DLGAP2: variants seen among roughly 807,000 people sequenced by gnomAD.
DLGAP2 encodes the protein disks large-associated protein 2.
Under a neutral mutation model 100.3 loss-of-function variants are expected in DLGAP2, and 26 were observed. The ratio of observed to expected loss-of-function variants is 0.26; its 90% confidence interval spans 0.19 to 0.36. The LOEUF (loss-of-function observed/expected upper bound fraction) is 0.36. DLGAP2 is among the 10% of genes least tolerant of loss of function. DLGAP2 has a pLI of 1.00. For missense variants in DLGAP2, 1,858 were observed against 1,453.2 expected (o/e 1.28, Z -4.53); for synonymous variants, 886 against 630.1 (o/e 1.41, Z -6.08).
intron 3 of DLGAP2, among the ~76,000 whole-genome samples, chr8:1,285,934 G>A (rs1454798851): frequency 6.6e-6 from 1 of 152,146 alleles, no homozygotes; most frequent in Admixed American, 6.5e-5. Context: ...GTCTAGTCTG[G>A]GCAACAGAGA....
At chr8:847,876 C>A (rs1199901615) in intron 1 of DLGAP2, among the ~76,000 whole-genome samples, 5 of 152,026 alleles carry the variant, frequency 3.3e-5, no homozygotes, top group Non-Finnish European at 5.9e-5. Context: ...ATTTTTTTCC[C>A]CTTTACTTTC....
intron 3 of DLGAP2, among the ~76,000 whole-genome samples, chr8:1,489,825 C>T (rs899659408): frequency 1.3e-5 from 2 of 152,190 alleles, no homozygotes; most frequent in African/African-American, 2.4e-5. Flanking sequence ...TTCTAACATT[C>T]TACATGATAA....
At chr8:1,440,958 G>T (rs928392807) in intron 3 of DLGAP2, among the ~76,000 whole-genome samples, 1 of 152,174 alleles carries the variant, frequency 6.6e-6, no homozygotes, top group African/African-American at 2.4e-5. Flanking sequence ...GCAAAAGCAC[G>T]TAAGTCTACA....
chr8:1,588,329 G>A (rs1457360726), intron 6 of DLGAP2, among the ~76,000 whole-genome samples: 1 of 152,118 alleles, frequency 6.6e-6, no homozygotes, highest in African/African-American at 2.4e-5. Context: ...AGTCCAATCT[G>A]TAAGATCTGA....
At chr8:1,597,162 A>G (rs908285520) in intron 6 of DLGAP2, among the ~76,000 whole-genome samples, 2 of 152,166 alleles carry the variant, frequency 1.3e-5, no homozygotes, top group Non-Finnish European at 1.5e-5. Context: ...TTTGTCAAAG[A>G]TCAGATGGTC....
At chr8:1,678,031 T>G (rs565217495) in intron 11 of DLGAP2, among the ~76,000 whole-genome samples, 183 bp from the exon 12 acceptor site, 24 of 152,366 alleles carry the variant, frequency 1.6e-4, no homozygotes, top group African/African-American at 5.8e-4. Context: ...GTATAATGAT[T>G]TGCAAAACCA....
At chr8:1,160,300 G>T (rs1796865416) in intron 2 of DLGAP2, among the ~76,000 whole-genome samples, 1 of 152,188 alleles carries the variant, frequency 6.6e-6, no homozygotes, top group African/African-American at 2.4e-5. Flanking sequence ...TGATTGACAG[G>T]TCCCGTGCCT....
intron 12 of DLGAP2, among the ~76,000 whole-genome samples, chr8:1,690,959 G>A (rs948374254): frequency 4.6e-5 from 7 of 151,998 alleles, no homozygotes; most frequent in South Asian, 2.1e-4. Context: ...TACGTGCTAC[G>A]ACCTTCCTGT....
In DLGAP2 at chr8:1,005,832, A is replaced by G. The variant is rs543951992; in HGVS notation, c.73+97866A>G. On this transcript the variant is annotated intron_variant, in intron 2 of 14. Transcript: ENST00000637795. ...TCCCTGTTGAAATTCAATGACCCAA[A>G]TAATACCTTCAGGGAATGTGCTCCA... 2.6e-5 allele frequency among the ~76,000 whole-genome samples: 4 copies of G among 152,244 alleles called. No homozygotes were observed. The South Asian group carries it at 8.3e-4, about 32-fold the overall frequency.
intron 13 of DLGAP2, 144 bp from the exon 14 acceptor site, chr8:1,697,003 T>C: frequency 4.6e-6 from 4 of 864,872 alleles, no homozygotes; most frequent in Non-Finnish European, 6.5e-6. Flanking sequence ...AGCATGGCCT[T>C]CCCAAGTATC....
At chr8:1,307,735 A>C (rs957894094) in intron 3 of DLGAP2, among the ~76,000 whole-genome samples, 1 of 152,236 alleles carries the variant, frequency 6.6e-6, no homozygotes, top group African/African-American at 2.4e-5. Flanking sequence ...ATGAACCCTG[A>C]AGACATTCCA....
At chr8:1,336,537 G>T (rs563756253) in intron 3 of DLGAP2, among the ~76,000 whole-genome samples, 1 of 152,342 alleles carries the variant, frequency 6.6e-6, no homozygotes, top group African/African-American at 2.4e-5. Flanking sequence ...GCCTTTCCCA[G>T]CACAGGAAGG....
At chr8:1,469,332 C>A (rs1798715450) in intron 3 of DLGAP2, among the ~76,000 whole-genome samples, 1 of 152,208 alleles carries the variant, frequency 6.6e-6, no homozygotes, top group South Asian at 2.1e-4. Flanking sequence ...CCCAGCAGGC[C>A]CCGTACGAGA....
intron 1 of DLGAP2, among the ~76,000 whole-genome samples, chr8:772,302 C>G (rs1234161872): frequency 6.6e-6 from 1 of 151,992 alleles, no homozygotes. Flanking sequence ...TTTAAAATGT[C>G]ATCTCATAAT....
Position 1,482,191 on chromosome 8 carries a change from G to C in DLGAP2, c.107-19175G>C, listed in dbSNP as rs536464636. ...AAATGTGATGTGCTTGAGAACGTGT[G>C]GGTTTTAAGGATATTTTGAGATTCA... On this transcript the variant is annotated intron_variant, in intron 3 of 14. Transcript: ENST00000637795. 8.5e-5 allele frequency among the ~76,000 whole-genome samples: 13 copies of C among 152,322 alleles called. No homozygotes were observed. In the South Asian group the frequency reaches 2.3e-3, roughly 27 times the overall value.
intron 2 of DLGAP2, among the ~76,000 whole-genome samples, chr8:1,062,803 C>T (rs1404693577): frequency 6.6e-6 from 1 of 152,178 alleles, no homozygotes; most frequent in Non-Finnish European, 1.5e-5. Context: ...GGGGGAAAAG[C>T]TCTTGCACAG....
chr8:974,015 A>T (rs1489988446), intron 2 of DLGAP2, among the ~76,000 whole-genome samples: 2 of 152,046 alleles, frequency 1.3e-5, no homozygotes, highest in Non-Finnish European at 2.9e-5. Flanking sequence ...AATATTGAAG[A>T]ACTGTAGGAG....
chr8:738,387 G>T (rs1820378173), intron 1 of DLGAP2, among the ~76,000 whole-genome samples: 1 of 151,968 alleles, frequency 6.6e-6, no homozygotes, highest in Non-Finnish European at 1.5e-5. Flanking sequence ...GGGCAGCAGC[G>T]GCTGCCGAGA....
intron 3 of DLGAP2, among the ~76,000 whole-genome samples, chr8:1,433,334 C>G (rs1454048826): frequency 6.6e-6 from 1 of 152,232 alleles, no homozygotes; most frequent in Non-Finnish European, 1.5e-5. Flanking sequence ...CAGGGGCATC[C>G]AGTCCTAGGA....
Sources: allele counts gnomAD v4.1 joint callset (sites outside exome capture counted in the v4.1 genomes callset), GRCh38; gene constraint gnomAD v4.1.1; transcripts MANE v1.5; gene names NCBI Gene and HGNC (gene_info 2026-07-23, HGNC 2026-07-21).